The following CPEB3 variants were observed in gnomAD, a reference collection of about 807,000 sequenced individuals.
CPEB3 encodes the protein cytoplasmic polyadenylation element-binding protein 3.
In CPEB3, 20 loss-of-function variants were observed where a neutral mutation model predicts 67.2. That is an observed-to-expected ratio of 0.30 (90% CI 0.21 to 0.43). The LOEUF (loss-of-function observed/expected upper bound fraction) is 0.43, where lower values mean the gene tolerates loss of function less well. Ranked by LOEUF, CPEB3 falls within the 20% of genes least tolerant of loss-of-function variation. CPEB3 has a pLI of 1.00. For synonymous variants in CPEB3, 376 were observed against 393.1 expected (o/e 0.96, Z 0.51); for missense variants, 746 against 968.6 (o/e 0.77, Z 3.05).
At chr10:92,176,605 C>T (rs757849103) in intron 4 of CPEB3, among the ~76,000 whole-genome samples, 4 of 152,232 alleles carry the variant, frequency 2.6e-5, no homozygotes, top group Non-Finnish European at 4.4e-5. Flanking sequence ...AAGCAACTTT[C>T]CGATATTTAT....
intron 1 of CPEB3, among the ~76,000 whole-genome samples, chr10:92,275,926 G>A (rs533377877): frequency 2.1e-5 from 3 of 142,050 alleles, no homozygotes; most frequent in Non-Finnish European, 3.0e-5. Flanking sequence ...TTGGCTCACT[G>A]CAAGCTCCGC....
intron 6 of CPEB3, chr10:92,118,675 A>G (rs78457756): frequency 4.4e-6 from 3 of 679,202 alleles, no homozygotes; most frequent in Non-Finnish European, 5.5e-6. Flanking sequence ...TCTTGCTGAG[A>G]CATGTTGGTC....
chr10:92,098,160 T>TAAAAAAAAA lies in CPEB3; in HGVS notation c.1573-6225_1573-6217dup, dbSNP rs1166249584. On this transcript the variant is annotated intron_variant, in intron 7 of 9. Transcript: ENST00000265997. ...TGGGCAACAAGAGTGACACTCTGCC[T>TAAAAAAAAA]AAAAAAAAAAAAAAAAAAAAAAAAA... is the stretch of plus-strand genomic sequence containing the variant. Among the ~76,000 whole-genome samples, 19 of 36,106 alleles carry TAAAAAAAAA rather than the reference T, an allele frequency of 5.3e-4. 4 individuals are homozygous for TAAAAAAAAA. Among genetic ancestry groups the TAAAAAAAAA allele is most frequent in the Admixed American group, 9.2e-4 (2 of 2,180 alleles). The allele number at this position is 36,106 out of a possible 152,430, so 23.7% of individuals were successfully genotyped here.
intron 6 of CPEB3, among the ~76,000 whole-genome samples, chr10:92,140,650 AG>A (rs1359664572): frequency 1.4e-5 from 2 of 147,336 alleles, no homozygotes; most frequent in Non-Finnish European, 3.0e-5. Context: ...TAAACTAAAG[AG>A]CTTCTGCACA....
intron 6 of CPEB3, among the ~76,000 whole-genome samples, chr10:92,140,150 C>A (rs910373841): frequency 9.9e-5 from 15 of 151,708 alleles, no homozygotes; most frequent in African/African-American, 3.1e-4. Flanking sequence ...TCATATGGAA[C>A]CAAAAAAGAG....
At chr10:92,205,481 T>C (rs1849740688) in intron 2 of CPEB3, among the ~76,000 whole-genome samples, 1 of 144,234 alleles carries the variant, frequency 6.9e-6, no homozygotes, top group Admixed American at 6.9e-5. Flanking sequence ...TTTTTTTTTT[T>C]TTTTTTTTTT....
intron 4 of CPEB3, among the ~76,000 whole-genome samples, chr10:92,147,522 T>A (rs1315428377): frequency 6.6e-6 from 1 of 151,944 alleles, no homozygotes; most frequent in Non-Finnish European, 1.5e-5. Context: ...CATACAAAAC[T>A]CAGTGGAAAA....
At chr10:92,159,935 G>GA (rs1309419214) in intron 4 of CPEB3, among the ~76,000 whole-genome samples, 2 of 149,048 alleles carry the variant, frequency 1.3e-5, no homozygotes, top group African/African-American at 4.9e-5. Context: ...AAACCTCAAT[G>GA]AAAAAAATCT....
chr10:92,153,439 C>T (rs1847056690), intron 4 of CPEB3, among the ~76,000 whole-genome samples: 1 of 152,008 alleles, frequency 6.6e-6, no homozygotes, highest in Non-Finnish European at 1.5e-5. Context: ...TTAAAAGGAC[C>T]TTTTATATTC....
intron 2 of CPEB3, among the ~76,000 whole-genome samples, chr10:92,227,410 T>G (rs1851030066): frequency 6.6e-6 from 1 of 152,192 alleles, no homozygotes; most frequent in Admixed American, 6.6e-5. Context: ...AGCACATGGA[T>G]TATGATTTTG....
intron 9 of CPEB3, among the ~76,000 whole-genome samples, chr10:92,057,485 G>A (rs1427133559): frequency 6.6e-6 from 1 of 152,194 alleles, no homozygotes; most frequent in Admixed American, 6.5e-5. Context: ...CATGATGCCC[G>A]GAGAGCACCT....
intron 1 of CPEB3, among the ~76,000 whole-genome samples, chr10:92,289,798 T>TATAATACATATGTATTATATATTAC (rs1384270345): frequency 3.6e-5 from 5 of 138,914 alleles, no homozygotes; most frequent in African/African-American, 1.4e-4. Flanking sequence ...TTATATATTA[T>TATAATACATATGTATTATATATTAC]AAATGTATTA....
chr10:92,291,212 G>C (rs1842850790), upstream of CPEB3: 2 of 517,178 alleles, frequency 3.9e-6, no homozygotes, highest in South Asian at 2.4e-5. Context: ...CGGCGCCCGC[G>C]GTCCATGGAC....
At chr10:92,177,519 T>C (rs1004118928) in intron 4 of CPEB3, among the ~76,000 whole-genome samples, 1 of 152,238 alleles carries the variant, frequency 6.6e-6, no homozygotes, top group Non-Finnish European at 1.5e-5. Context: ...AATAGATTCA[T>C]GGTCTTGAAC....
At chr10:92,121,322 A>G (rs563838335) in intron 6 of CPEB3, among the ~76,000 whole-genome samples, 20 of 149,084 alleles carry the variant, frequency 1.3e-4, no homozygotes, top group Admixed American at 1.1e-3. Flanking sequence ...ACTTACTCTT[A>G]AATGGCTATT....
In CPEB3 at chr10:92,171,680, T is replaced by C. The variant is rs572850434; in HGVS notation, c.1222+9283A>G. Among the ~76,000 whole-genome samples the C allele has an allele frequency of 1.3e-3, 194 of 151,806 alleles. 6 individuals are homozygous for C. The South Asian group carries it at 0.039, about 31-fold the overall frequency. On this transcript the variant is annotated intron_variant, in intron 4 of 9. Transcript: ENST00000265997. ...CCCAGGCTGGACTGCAGTGGTGTGATCTCGGCTCACTGCAACCTCCTCCTC... is the reference window on the plus strand; with the variant it reads ...CCCAGGCTGGACTGCAGTGGTGTGACCTCGGCTCACTGCAACCTCCTCCTC...
At chr10:92,065,837 T>C (rs750842357) in intron 9 of CPEB3, among the ~76,000 whole-genome samples, 2 of 152,098 alleles carry the variant, frequency 1.3e-5, no homozygotes, top group Admixed American at 6.6e-5. Flanking sequence ...CTCACACCTA[T>C]AATTCCAGCA....
intron 6 of CPEB3, chr10:92,119,280 G>T (rs1650782163): frequency 1.9e-5 from 30 of 1,539,456 alleles, no homozygotes; most frequent in Non-Finnish European, 2.3e-5. Flanking sequence ...AGATCCTTTT[G>T]CACTTTCAGA....
At chr10:92,079,854 T>G (rs538686546) in intron 9 of CPEB3, among the ~76,000 whole-genome samples, 21 of 152,258 alleles carry the variant, frequency 1.4e-4, no homozygotes, top group African/African-American at 5.1e-4. Flanking sequence ...CCAAGAACAT[T>G]CTTTACTAGA....
Sources: allele counts gnomAD v4.1 joint callset (sites outside exome capture counted in the v4.1 genomes callset), GRCh38; gene constraint gnomAD v4.1.1; transcripts MANE v1.5; gene names NCBI Gene and HGNC (gene_info 2026-07-23, HGNC 2026-07-21).